RIN2: variants seen among roughly 807,000 people sequenced by gnomAD.
The protein encoded by RIN2 is Ras and Rab interactor 2, also known as RAB5 interacting protein 2.
Under a neutral mutation model 78.0 loss-of-function variants are expected in RIN2, and 36 were observed. The ratio of observed to expected loss-of-function variants is 0.46; its 90% CI spans 0.35 to 0.61. The LOEUF is 0.61. Among genes scored for constraint, RIN2 ranks in the 20% least tolerant of loss-of-function variants. The pLI is 0.00. For synonymous variants in RIN2, 466 were observed against 466.8 expected (o/e 1.00, Z 0.02); for missense variants, 1,087 against 1,159.7 (o/e 0.94, Z 0.91).
At chr20:19,920,319 A>T (rs2039866214) in intron 3 of RIN2, among the ~76,000 whole-genome samples, 1 of 151,758 alleles carries the variant, frequency 6.6e-6, no homozygotes. Context: ...AAAAGGAAAA[A>T]CTTCATCCCT....
At chr20:19,895,520 A>G (rs1052158247) in intron 3 of RIN2, among the ~76,000 whole-genome samples, 1 of 152,138 alleles carries the variant, frequency 6.6e-6, no homozygotes, top group Admixed American at 6.5e-5. Flanking sequence ...TGCTCTTACT[A>G]GACCAAGAAG....
intron 2 of RIN2, among the ~76,000 whole-genome samples, chr20:19,869,451 A>T (rs1190979468): frequency 6.6e-6 from 1 of 152,200 alleles, no homozygotes; most frequent in Non-Finnish European, 1.5e-5. Flanking sequence ...CACTGACCCC[A>T]GGGAAGGGCC....
chr20:19,861,775 C>A lies in RIN2; in HGVS notation c.-36-27791C>A, dbSNP rs537318449. ...GATCACCCTCCATATCTGATGATCACCCTCCATATCTGATGATCACCCTCC... is the reference window on the plus strand; with the variant it reads ...GATCACCCTCCATATCTGATGATCAACCTCCATATCTGATGATCACCCTCC... On this transcript the variant is annotated intron_variant, in intron 2 of 12. Coordinates refer to ENST00000255006, the MANE Select transcript of RIN2 (RefSeq NM_018993.4). 4.0e-5 allele frequency among the ~76,000 whole-genome samples: 6 copies of A among 151,548 alleles called. No individual in the cohort carries two copies. In the South Asian group the frequency reaches 8.4e-4, roughly 21 times the overall value.
At chr20:19,808,708 G>A (rs2035491627) in intron 2 of RIN2, among the ~76,000 whole-genome samples, 1 of 152,194 alleles carries the variant, frequency 6.6e-6, no homozygotes, top group Non-Finnish European at 1.5e-5. Context: ...AGAGCCCTCT[G>A]GAGCCACGGA....
At chr20:19,925,558 T>G (rs1002048281) in intron 3 of RIN2, among the ~76,000 whole-genome samples, 5 of 152,086 alleles carry the variant, frequency 3.3e-5, no homozygotes, top group Non-Finnish European at 5.9e-5. Context: ...CACAACCAAC[T>G]TATGCAACTT....
intron 1 of RIN2, among the ~76,000 whole-genome samples, chr20:19,789,745 C>T (rs2034829760): frequency 6.6e-6 from 1 of 152,178 alleles, no homozygotes; most frequent in Non-Finnish European, 1.5e-5. Context: ...TATGCATCCC[C>T]ATGGGTTGTT....
chr20:19,944,681 G>A (rs1234141350), intron 4 of RIN2, among the ~76,000 whole-genome samples: 1 of 151,124 alleles, frequency 6.6e-6, no homozygotes, highest in Non-Finnish European at 1.5e-5. Flanking sequence ...AAAATATCAA[G>A]AGAAGTGGCT....
At chr20:19,962,767 G>T (rs1030735062) in intron 6 of RIN2, among the ~76,000 whole-genome samples, 2 of 151,972 alleles carry the variant, frequency 1.3e-5, no homozygotes, top group African/African-American at 4.8e-5. Context: ...GACCAGCCTG[G>T]GCAACATGGT....
intron 1 of RIN2, among the ~76,000 whole-genome samples, chr20:19,769,935 A>G (rs1229678212): frequency 6.6e-6 from 1 of 152,262 alleles, no homozygotes; most frequent in Non-Finnish European, 1.5e-5. Flanking sequence ...TAAGAGAAAA[A>G]GTAATCAACC....
chr20:19,855,432 A>G (rs147503848), intron 2 of RIN2, among the ~76,000 whole-genome samples: 107 of 152,226 alleles, frequency 7.0e-4, no homozygotes, highest in Non-Finnish European at 1.3e-3. Flanking sequence ...TTTTCTATTG[A>G]TTGGAATAGT....
chr20:19,792,118 C>A (rs1450952287), intron 1 of RIN2, among the ~76,000 whole-genome samples: 2 of 152,120 alleles, frequency 1.3e-5, no homozygotes, highest in Non-Finnish European at 2.9e-5. Context: ...GAAAGAAATT[C>A]TTCTTTGTGG....
At chr20:19,781,214 C>T (rs12106115) in intron 1 of RIN2, among the ~76,000 whole-genome samples, 10,920 of 152,226 alleles carry the variant, frequency 0.072, 668 homozygotes, top group African/African-American at 0.17. Context: ...CTGGCCCAAA[C>T]TCAGTCACAT....
chr20:19,949,774 A>G (rs1270201058), intron 4 of RIN2, among the ~76,000 whole-genome samples: 1 of 152,196 alleles, frequency 6.6e-6, no homozygotes, highest in Non-Finnish European at 1.5e-5. Context: ...ACTGGTCATT[A>G]GGGGCTGCGC....
chr20:19,984,527 G>A (rs988164644), intron 9 of RIN2, among the ~76,000 whole-genome samples: 9 of 152,210 alleles, frequency 5.9e-5, no homozygotes, highest in Admixed American at 2.0e-4. Context: ...AGCACTTTGC[G>A]AGGCTGAGGT....
intron 11 of RIN2, among the ~76,000 whole-genome samples, chr20:19,996,343 CAAAA>C (rs767676797): frequency 6.6e-6 from 1 of 151,664 alleles, no homozygotes; most frequent in Non-Finnish European, 1.5e-5. Flanking sequence ...AACAAACAAA[CAAAA>C]AAAACACTTT....
intron 3 of RIN2, among the ~76,000 whole-genome samples, chr20:19,921,672 G>A (rs902757292): frequency 1.3e-5 from 2 of 152,176 alleles, no homozygotes; most frequent in South Asian, 2.1e-4. Flanking sequence ...GGGTGTCCTA[G>A]GTCGGGTTCC....
intron 2 of RIN2, among the ~76,000 whole-genome samples, chr20:19,830,155 T>C (rs1280474740): frequency 6.6e-6 from 1 of 152,198 alleles, no homozygotes; most frequent in Non-Finnish European, 1.5e-5. Flanking sequence ...AGGATGAAAT[T>C]TGCATTTTAA....
chr20:19,915,562 T>C (rs901970079), intron 3 of RIN2, among the ~76,000 whole-genome samples: 2 of 152,148 alleles, frequency 1.3e-5, no homozygotes, highest in Non-Finnish European at 2.9e-5. Context: ...CCATCTGGAT[T>C]AAGAAGTCAA....
At chr20:19,819,485 A>G (rs565128467) in intron 2 of RIN2, among the ~76,000 whole-genome samples, 1 of 152,310 alleles carries the variant, frequency 6.6e-6, no homozygotes, top group East Asian at 1.9e-4. Context: ...ACAAGAGGGG[A>G]CTTTCCCTTT....
Sources: gnomAD v4.1 joint callset for allele counts (sites outside exome capture counted in the v4.1 genomes callset) on GRCh38, gnomAD v4.1.1 for gene constraint, MANE v1.5 for transcripts, NCBI Gene and HGNC (gene_info 2026-07-23, HGNC 2026-07-21) for gene names.